The following SPTBN1 variants were observed in gnomAD, a reference collection of about 807,000 sequenced individuals.
SPTBN1 encodes spectrin beta chain, non-erythrocytic 1.
A neutral mutation model predicts 266.4 loss-of-function variants in SPTBN1; 32 were observed. That is an observed-to-expected ratio of 0.12 (90% CI 0.09 to 0.16). The LOEUF (loss-of-function observed/expected upper bound fraction) is 0.16. Among genes scored for constraint, SPTBN1 ranks in the 10% least tolerant of loss-of-function variants. The pLI is 1.00. For missense variants in SPTBN1, 2,296 were observed against 3,067.1 expected (o/e 0.75, Z 5.94); for synonymous variants, 1,336 against 1,162.2 (o/e 1.15, Z -3.04).
chr2:54,655,891 CG>C, intron 28 of SPTBN1, 22 bp from the exon 29 acceptor site: 10 of 1,593,932 alleles, frequency 6.3e-6, no homozygotes, highest in East Asian at 2.2e-5. Context: ...TAAGATGTCC[CG>C]GGGATCCTCT....
chr2:54,602,281 G>A (rs1676545958), intron 3 of SPTBN1, among the ~76,000 whole-genome samples: 1 of 152,192 alleles, frequency 6.6e-6, no homozygotes, highest in Admixed American at 6.5e-5. Context: ...CAGAACCTGT[G>A]CTGGCCACTT....
At position 54,671,271 on chromosome 2, in the gene SPTBN1, A is replaced by C. The variant is rs1681674539; in HGVS notation, c.*2702A>C. 6.5e-6 allele frequency: 1 copy of C among 153,046 alleles called. No homozygotes were observed. Among genetic ancestry groups the C allele is most frequent in the Non-Finnish European group, 1.5e-5 (1 of 68,706 alleles). The allele number at this position is 153,046 out of a possible 1,614,324, so 9.5% of individuals were successfully genotyped here. ...AGTGCCAGTGACTGTGCTTCTTACA[A>C]TTCCTGGCATCTTGAGTAGGTGAAA... On this transcript the variant is annotated 3_prime_UTR_variant, in exon 36 of 36. Coordinates refer to ENST00000356805, the MANE Select transcript of SPTBN1 (RefSeq NM_003128.3).
chr2:54,657,569 T>A (rs1228209733), intron 29 of SPTBN1, among the ~76,000 whole-genome samples: 3 of 152,254 alleles, frequency 2.0e-5, no homozygotes, highest in African/African-American at 7.2e-5. Flanking sequence ...TTTTTTCATA[T>A]TGATTACATG....
At chr2:54,551,926 T>C (rs1247455185) in intron 2 of SPTBN1, among the ~76,000 whole-genome samples, 1 of 152,228 alleles carries the variant, frequency 6.6e-6, no homozygotes, top group African/African-American at 2.4e-5. Flanking sequence ...TTCTGTAACT[T>C]GTTTCATAGT....
intron 1 of SPTBN1, among the ~76,000 whole-genome samples, chr2:54,476,239 A>G (rs1667824481): frequency 6.6e-6 from 1 of 152,138 alleles, no homozygotes; most frequent in South Asian, 2.1e-4. Context: ...CAGGCCATTG[A>G]TCAGAATAAT....
chr2:54,646,142 G>A lies in SPTBN1; in HGVS notation c.4585-52G>A. On this transcript the variant is annotated intron_variant, in intron 22 of 35. Transcript: ENST00000356805. This position sits in a 1 kb window ranked among gnomAD's most constrained non-coding sequence, Gnocchi z 4.4. ...TGGCCCTAACAGCTTGACATAAGCA[G>A]CAGACGGCTGCCATTTAGCAAGCCT... is the stretch of plus-strand genomic sequence containing the variant. 6.3e-7 allele frequency: 1 copy of A among 1,592,512 alleles called. No individual in the cohort carries two copies. The highest frequency in any genetic ancestry group is 1.3e-5 in the African/African-American group (1 of 74,164).
chr2:54,472,121 G>T (rs567183745), intron 1 of SPTBN1, among the ~76,000 whole-genome samples: 55 of 137,386 alleles, frequency 4.0e-4, no homozygotes, highest in African/African-American at 1.5e-3. Context: ...TCCGCCTCCT[G>T]GGTTCACACC....
At chr2:54,589,485 C>T (rs1207532442) in intron 2 of SPTBN1, among the ~76,000 whole-genome samples, 1 of 152,196 alleles carries the variant, frequency 6.6e-6, no homozygotes, top group African/African-American at 2.4e-5. Context: ...TCATAGAGAG[C>T]TCATGGTGGG....
chr2:54,660,815 C>T (rs1409328863), intron 32 of SPTBN1: 2 of 985,334 alleles, frequency 2.0e-6, no homozygotes, highest in African/African-American at 1.7e-5. Context: ...CTGCCGCCAC[C>T]TCTGTCTCGC....
intron 17 of SPTBN1, among the ~76,000 whole-genome samples, chr2:54,633,299 C>G (rs1678880453): frequency 6.6e-6 from 1 of 152,214 alleles, no homozygotes; most frequent in African/African-American, 2.4e-5. Flanking sequence ...GGATCTTTTT[C>G]ATGATGGAGA....
At chr2:54,576,128 C>T (rs1419114850) in intron 2 of SPTBN1, among the ~76,000 whole-genome samples, 2 of 134,916 alleles carry the variant, frequency 1.5e-5, no homozygotes, top group Non-Finnish European at 3.1e-5. Flanking sequence ...GATCTCGGCT[C>T]ACTGCAACCT....
At chr2:54,595,892 T>TGTA (rs1676049440) in intron 2 of SPTBN1, among the ~76,000 whole-genome samples, 1 of 152,204 alleles carries the variant, frequency 6.6e-6, no homozygotes, top group African/African-American at 2.4e-5. Context: ...CAACACTGTA[T>TGTA]GTAGACATTG....
chr2:54,518,547 C>A (rs1002879212), intron 1 of SPTBN1, among the ~76,000 whole-genome samples: 1 of 151,710 alleles, frequency 6.6e-6, no homozygotes, highest in African/African-American at 2.4e-5. Flanking sequence ...CTCAGACACA[C>A]GATTTGCAGT....
chr2:54,577,518 G>T (rs1317869712), intron 2 of SPTBN1, among the ~76,000 whole-genome samples: 1 of 152,206 alleles, frequency 6.6e-6, no homozygotes, highest in Non-Finnish European at 1.5e-5. Context: ...CTAAAGTCTA[G>T]CCCTGTATTG....
At chr2:54,499,939 A>G (rs1669162822) in intron 1 of SPTBN1, among the ~76,000 whole-genome samples, 1 of 152,220 alleles carries the variant, frequency 6.6e-6, no homozygotes, top group Admixed American at 6.5e-5. Flanking sequence ...CCAATGGAGG[A>G]TGTGTTTTCC....
intron 5 of SPTBN1, among the ~76,000 whole-genome samples, chr2:54,617,253 C>A (rs1677667408): frequency 6.6e-6 from 1 of 152,176 alleles, no homozygotes; most frequent in African/African-American, 2.4e-5. Context: ...GACTGCAGGT[C>A]CTGGTGTCTT....
chr2:54,587,883 CAT>C (rs1273650156), intron 2 of SPTBN1, among the ~76,000 whole-genome samples: 2 of 152,190 alleles, frequency 1.3e-5, no homozygotes, highest in Non-Finnish European at 2.9e-5. Flanking sequence ...ACTGACCTGA[CAT>C]GTGGATATCA....
chr2:54,556,052 C>T (rs74782998), intron 2 of SPTBN1, among the ~76,000 whole-genome samples: 4,903 of 152,352 alleles, frequency 0.032, 118 homozygotes, highest in Admixed American at 0.085. Flanking sequence ...TCTTCTAAAA[C>T]ACCTGGCAGT....
intron 12 of SPTBN1, among the ~76,000 whole-genome samples, chr2:54,627,615 T>C (rs1048323752): frequency 2.1e-4 from 32 of 152,238 alleles, no homozygotes; most frequent in African/African-American, 7.7e-4. Flanking sequence ...AAACATTCAC[T>C]TACAGGCTCA....
Sources: gnomAD v4.1 joint callset for allele counts (sites outside exome capture counted in the v4.1 genomes callset) on GRCh38, gnomAD v4.1.1 for gene constraint, Gnocchi (gnomAD v3.1) non-coding constraint, MANE v1.5 for transcripts, NCBI Gene and HGNC (gene_info 2026-07-23, HGNC 2026-07-21) for gene names.